The following ARID1B variants were observed in gnomAD, a reference collection of about 807,000 sequenced individuals.
The protein encoded by ARID1B is AT-rich interaction domain 1B.
ARID1B carries 30 observed loss-of-function variants against 212.3 expected under a neutral mutation model. The ratio of observed to expected loss-of-function variants is 0.14; its 90% CI spans 0.11 to 0.19. ARID1B has a LOEUF of 0.19. Ranked by LOEUF, ARID1B falls within the 10% of genes least tolerant of loss-of-function variation. The pLI is 1.00. For synonymous variants in ARID1B, 1,402 were observed against 1,301.7 expected, an observed-to-expected ratio of 1.08 and a Z score of -1.66; for missense variants, 2,891 against 3,204.0, an observed-to-expected ratio of 0.90 and a Z score of 2.36.
intron 1 of ARID1B, among the ~76,000 whole-genome samples, chr6:156,779,956 C>T (rs1249569702): frequency 6.6e-6 from 1 of 152,210 alleles, no homozygotes; most frequent in African/African-American, 2.4e-5. Flanking sequence ...AGCCACAGCA[C>T]GTTCCCTCTT....
At chr6:157,051,383 T>G (rs1782593919) in intron 4 of ARID1B, among the ~76,000 whole-genome samples, 1 of 152,204 alleles carries the variant, frequency 6.6e-6, no homozygotes, top group African/African-American at 2.4e-5. Context: ...GGCAGCTCCC[T>G]TTATCCATTT....
chr6:157,021,698 G>A (rs956983798), intron 4 of ARID1B, among the ~76,000 whole-genome samples: 1 of 152,000 alleles, frequency 6.6e-6, no homozygotes, highest in Non-Finnish European at 1.5e-5. Context: ...CCGGGCAAGC[G>A]CGGCCGCCGC....
intron 6 of ARID1B, among the ~76,000 whole-genome samples, chr6:157,118,127 A>G (rs9480441): frequency 0.3 from 44,912 of 152,182 alleles, 9,361 homozygotes; most frequent in African/African-American, 0.59. Context: ...TTACTCTTGA[A>G]TATCTGAATT....
chr6:157,045,670 A>G (rs1442821121), intron 4 of ARID1B, among the ~76,000 whole-genome samples: 1 of 151,938 alleles, frequency 6.6e-6, no homozygotes, highest in Non-Finnish European at 1.5e-5. Context: ...CAAAACTAGC[A>G]AACAGTTTTT....
At chr6:156,974,438 A>C (rs1169593369) in intron 4 of ARID1B, among the ~76,000 whole-genome samples, 1 of 152,204 alleles carries the variant, frequency 6.6e-6, no homozygotes, top group African/African-American at 2.4e-5. Context: ...CTGAAAAGCC[A>C]ATTGTGTAGA....
chr6:157,156,133 AG>A (rs1790559732), intron 8 of ARID1B, among the ~76,000 whole-genome samples: 2 of 152,208 alleles, frequency 1.3e-5, no homozygotes, highest in Admixed American at 6.5e-5. Flanking sequence ...AAATGTGTCA[AG>A]CCCCAGTTGT....
chr6:156,952,496 C>A (rs1232902506), intron 4 of ARID1B, among the ~76,000 whole-genome samples: 5 of 152,200 alleles, frequency 3.3e-5, no homozygotes, highest in Non-Finnish European at 5.9e-5. Context: ...GCTTGATTTC[C>A]CATCCTGCCC....
chr6:157,016,656 GGA>G (rs1779940074), intron 4 of ARID1B, among the ~76,000 whole-genome samples: 1 of 152,198 alleles, frequency 6.6e-6, no homozygotes, highest in Non-Finnish European at 1.5e-5. Flanking sequence ...GCCCTGCAAT[GGA>G]GTGGCATTCT....
At chr6:157,119,728 G>A (rs906303671) in intron 6 of ARID1B, 1 of 152,290 alleles carries the variant, frequency 6.6e-6, no homozygotes, top group Non-Finnish European at 1.5e-5. Context: ...GATGTGTACA[G>A]TGTTGGTGAC....
At chr6:156,821,830 T>C (rs148183664) in intron 1 of ARID1B, among the ~76,000 whole-genome samples, 7 of 152,302 alleles carry the variant, frequency 4.6e-5, no homozygotes, top group African/African-American at 1.7e-4. Flanking sequence ...CTCTGCACCT[T>C]GCTTAAGAAA....
intron 4 of ARID1B, among the ~76,000 whole-genome samples, chr6:156,980,126 T>C (rs1008709400): frequency 6.6e-6 from 1 of 152,198 alleles, no homozygotes; most frequent in Non-Finnish European, 1.5e-5. Flanking sequence ...TTCATTAAAA[T>C]TTTTTGTAAT....
chr6:156,812,966 GTGTGTGTGTGTA>G (rs1204069162), intron 1 of ARID1B, among the ~76,000 whole-genome samples: 32 of 101,202 alleles, frequency 3.2e-4, no homozygotes, highest in African/African-American at 1.0e-3. Context: ...GTGTGTGTGT[GTGTGTGTGTGTA>G]TGTATATACA....
intron 2 of ARID1B, among the ~76,000 whole-genome samples, chr6:156,867,911 C>T (rs142425068): frequency 1.3e-5 from 2 of 152,328 alleles, no homozygotes; most frequent in African/African-American, 4.8e-5. Flanking sequence ...ATTTTAATGT[C>T]CGAAACGAGT....
intron 4 of ARID1B, among the ~76,000 whole-genome samples, chr6:156,946,265 G>A (rs1456658005): frequency 1.3e-5 from 2 of 151,848 alleles, no homozygotes; most frequent in African/African-American, 2.4e-5. Flanking sequence ...CCAGCTGCTC[G>A]GGAGGCTGAG....
In ARID1B at chr6:156,782,325, C is replaced by T. The variant is rs548288473; in HGVS notation, c.1791+2854C>T. Among the ~76,000 whole-genome samples the T allele has an allele frequency of 3.3e-5, 5 of 151,900 alleles. No homozygotes were observed. In the East Asian group the frequency reaches 9.6e-4, roughly 29 times the overall value. Reference sequence around the variant, plus strand: ...GTTTCTATTGGGTGGCAAATGTTTTCGTAATTGGGACAAAACGTGTATATA... The same window carrying T: ...GTTTCTATTGGGTGGCAAATGTTTTTGTAATTGGGACAAAACGTGTATATA... On this transcript the variant is annotated intron_variant, in intron 1 of 19. Coordinates refer to ENST00000636930, the MANE Select transcript of ARID1B (RefSeq NM_001374828.1).
chr6:156,955,463 T>C lies in ARID1B; in HGVS notation c.2247+19887T>C, dbSNP rs1025718111. Among the ~76,000 whole-genome samples the C allele has an allele frequency of 3.3e-5, 5 of 152,230 alleles. No individual in the cohort carries two copies. The highest frequency in any genetic ancestry group is 1.2e-4 in the African/African-American group (5 of 41,464). ...GTCCTTTCTGTATATGTTATAGTGC[T>C]GTCTTCCAGAATGACTTATTGTGGA... On this transcript the variant is annotated intron_variant, in intron 4 of 19. Transcript: ENST00000636930. This position sits in a 1 kb window ranked among gnomAD's most constrained non-coding sequence, Gnocchi z 4.2.
Position 156,904,696 on chromosome 6 carries a change from A to G in ARID1B, c.2136+3171A>G, listed in dbSNP as rs1789224311. ...CTAAATCCCAATGTCTGAAATATGA[A>G]ATGCTCCAAAATCTGAAACTTTCTG... is the stretch of plus-strand genomic sequence containing the variant. On this transcript the variant is annotated intron_variant, in intron 3 of 19. Coordinates refer to ENST00000636930, the MANE Select transcript of ARID1B (RefSeq NM_001374828.1). Among the ~76,000 whole-genome samples, 3 of 152,212 alleles carry G rather than the reference A, an allele frequency of 2.0e-5. No individual in the cohort carries two copies. In the South Asian group the frequency reaches 6.2e-4, roughly 32 times the overall value.
At chr6:157,046,209 T>C (rs1368642082) in intron 4 of ARID1B, among the ~76,000 whole-genome samples, 1 of 152,234 alleles carries the variant, frequency 6.6e-6, no homozygotes, top group African/African-American at 2.4e-5. Context: ...TAGCTTTTTT[T>C]CCAATTTTGT....
In ARID1B at chr6:157,207,414, C is replaced by G; in HGVS notation, c.6642C>G (p.Ile2214Met). The G allele has an allele frequency of 6.2e-7, 1 of 1,614,148 alleles. No individual in the cohort carries two copies. The highest frequency in any genetic ancestry group is 8.5e-7 in the Non-Finnish European group (1 of 1,180,034). ...TGGAGACCCTCTGTAAACTCAGTAT[C>G]CAGGACAATAATGTGGACCTGATCT... ...LVLETLCKLSIQDNNVDLILA... is the reference protein window; with the variant it reads ...LVLETLCKLSMQDNNVDLILA... The change falls in exon 20 of 20, where the codon ATC becomes ATG. Residue 2214 changes from isoleucine (I) to methionine (M), a missense_variant. Around this residue, in one of 7 missense-constraint regions of ARID1B, gnomAD observed 187 missense variants for 306.5 expected, o/e 0.61. Coordinates refer to ENST00000636930, the MANE Select transcript of ARID1B (RefSeq NM_001374828.1). This position sits in a 1 kb window ranked among gnomAD's most constrained non-coding sequence, Gnocchi z 8.5.
Sources: allele counts gnomAD v4.1 joint callset (sites outside exome capture counted in the v4.1 genomes callset), GRCh38; gene constraint gnomAD v4.1.1; regional missense constraint gnomAD v4.1.1; non-coding constraint Gnocchi (gnomAD v3.1); transcripts MANE v1.5; gene names NCBI Gene and HGNC (gene_info 2026-07-23, HGNC 2026-07-21).